Variants in IL12RB2 observed in about 807,000 individuals in gnomAD.
The protein encoded by IL12RB2 is interleukin 12 receptor subunit beta 2.
IL12RB2 carries 82 observed loss-of-function variants against 89.4 expected under a neutral mutation model. The ratio of observed to expected loss-of-function variants is 0.92; its 90% CI spans 0.77 to 1.10. The LOEUF (loss-of-function observed/expected upper bound fraction) is 1.10. IL12RB2 is among the 50% of genes least tolerant of loss of function. The pLI is 0.00. For synonymous variants in IL12RB2, 368 were observed against 370.1 expected (o/e 0.99, Z 0.07); for missense variants, 963 against 1,031.9 (o/e 0.93, Z 0.92).
chr1:67,332,306 C>T (rs1014818861), intron 8 of IL12RB2, among the ~76,000 whole-genome samples: 1 of 151,532 alleles, frequency 6.6e-6, no homozygotes, highest in Admixed American at 6.6e-5. Context: ...ACCTCTGCCT[C>T]CTGTGTTCCA....
At chr1:67,308,655 G>A (rs1221075743) in intron 1 of IL12RB2, among the ~76,000 whole-genome samples, 3 of 152,098 alleles carry the variant, frequency 2.0e-5, no homozygotes, top group African/African-American at 4.8e-5. Context: ...AGCATTGTAC[G>A]GGATTATGTA....
chr1:67,378,805 G>A (rs1416581391), intron 13 of IL12RB2, among the ~76,000 whole-genome samples: 1 of 134,406 alleles, frequency 7.4e-6, no homozygotes, highest in Non-Finnish European at 1.5e-5. Flanking sequence ...AGCCAAGATC[G>A]TATTACTGTA....
chr1:67,349,090 C>T (rs1660548800), intron 9 of IL12RB2, among the ~76,000 whole-genome samples: 1 of 152,218 alleles, frequency 6.6e-6, no homozygotes, highest in Admixed American at 6.5e-5. Context: ...ACAGCAGTCA[C>T]TATGCACAGC....
chr1:67,322,722 G>A (rs1453941397), intron 4 of IL12RB2, among the ~76,000 whole-genome samples: 5 of 152,210 alleles, frequency 3.3e-5, no homozygotes, highest in Non-Finnish European at 7.3e-5. Context: ...CCTGACGGGG[G>A]CTCAGTTTCC....
At chr1:67,320,842 A>T (rs1656396944) in intron 3 of IL12RB2, among the ~76,000 whole-genome samples, 2 of 152,076 alleles carry the variant, frequency 1.3e-5, no homozygotes, top group South Asian at 2.1e-4. Context: ...TGCACCCATC[A>T]ACCCGTCAAC....
intron 16 of IL12RB2, among the ~76,000 whole-genome samples, chr1:67,393,469 G>A (rs1239520807): frequency 6.6e-6 from 1 of 152,172 alleles, no homozygotes; most frequent in Non-Finnish European, 1.5e-5. Context: ...TTCCGCACAG[G>A]GTGTAATCTT....
intron 1 of IL12RB2, among the ~76,000 whole-genome samples, chr1:67,310,319 T>C (rs147504234): frequency 7.0e-4 from 107 of 152,222 alleles, no homozygotes; most frequent in South Asian, 2.5e-3. Flanking sequence ...CAAATAAGTA[T>C]TGAACATGTA....
chr1:67,395,592 A>G lies in IL12RB2; in HGVS notation c.2092A>G (p.Thr698Ala). Reference protein sequence around the residue: ...PLDRLLIDWPTPEDPEPLVIS... With the variant: ...PLDRLLIDWPAPEDPEPLVIS... ...GGACAGGCTCCTGATAGACTGGCCC[A>G]CGCCTGAAGATCCTGAACCGCTGGT... The change falls in exon 17 of 17, where the codon ACG becomes GCG. Residue 698 changes from threonine (T) to alanine (A), a missense_variant. Coordinates refer to ENST00000674203, the MANE Select transcript of IL12RB2 (RefSeq NM_001374259.2). 1 of 1,614,238 alleles carries G rather than the reference A, an allele frequency of 6.2e-7. No individual in the cohort carries two copies.
chr1:67,335,437 C>T (rs114432206), intron 8 of IL12RB2, among the ~76,000 whole-genome samples: 1,621 of 152,222 alleles, frequency 0.011, 25 homozygotes, highest in African/African-American at 0.037. Flanking sequence ...AGGGAATTTC[C>T]ATCTGATTTC....
Position 67,328,185 on chromosome 1 carries a change from G to A in IL12RB2, c.480-15G>A, listed in dbSNP as rs1467607694. 3 of 1,560,798 alleles carry A rather than the reference G, an allele frequency of 1.9e-6. No individual in the cohort carries two copies. Among genetic ancestry groups the A allele is most frequent in the African/African-American group, 1.4e-5 (1 of 73,856 alleles). On this transcript the variant is annotated splice_polypyrimidine_tract_variant and intron_variant, in intron 5 of 16. Transcript: ENST00000674203. Reference sequence around the variant, plus strand: ...ATAAAACATGTTGCTACACGTGGTTGTGTTTTGTTTACAGGCTAAGTGGAC... The same window carrying A: ...ATAAAACATGTTGCTACACGTGGTTATGTTTTGTTTACAGGCTAAGTGGAC...
At chr1:67,356,325 A>G (rs1162923089) in intron 10 of IL12RB2, among the ~76,000 whole-genome samples, 1 of 152,128 alleles carries the variant, frequency 6.6e-6, no homozygotes, top group Non-Finnish European at 1.5e-5. Flanking sequence ...TCCTCTTGTT[A>G]TCCTGTTGTG....
chr1:67,369,853 C>T (rs1399145088), intron 11 of IL12RB2, among the ~76,000 whole-genome samples: 1 of 151,992 alleles, frequency 6.6e-6, no homozygotes, highest in African/African-American at 2.4e-5. Context: ...GAAACCCCAT[C>T]CCTACTAAAA....
At chr1:67,336,368 G>A (rs1314116396) in intron 8 of IL12RB2, among the ~76,000 whole-genome samples, 3 of 152,194 alleles carry the variant, frequency 2.0e-5, no homozygotes, top group Non-Finnish European at 4.4e-5. Flanking sequence ...GACACCACCT[G>A]ACAGTAGGTG....
upstream of IL12RB2, chr1:67,307,383 A>T (rs544211236): frequency 1.3e-5 from 2 of 152,432 alleles, no homozygotes; most frequent in East Asian, 3.8e-4. Flanking sequence ...CAGAGAAAGG[A>T]CATCTGCGAG....
intron 8 of IL12RB2, among the ~76,000 whole-genome samples, chr1:67,337,854 CTA>C (rs1658968248): frequency 7.3e-6 from 1 of 137,182 alleles, no homozygotes. Context: ...AAGTGTTTTT[CTA>C]TATGAGTTGT....
chr1:67,334,636 C>A (rs560676291), intron 8 of IL12RB2, among the ~76,000 whole-genome samples: 7 of 152,104 alleles, frequency 4.6e-5, no homozygotes, highest in African/African-American at 1.7e-4. Context: ...CCCGCCACCA[C>A]GCCCGGCTAA....
At position 67,397,978 on chromosome 1, in the gene IL12RB2, G is replaced by A. The variant is rs534939005; in HGVS notation, c.*1889G>A. Among the ~76,000 whole-genome samples, 7 of 152,230 alleles carry A rather than the reference G, an allele frequency of 4.6e-5. No individual in the cohort carries two copies. The highest frequency in any genetic ancestry group is 3.2e-3 in the Middle Eastern group (1 of 316). ...TCCCTCAGAGCTCTAGAAACTGAGCGATGGACAGTTGCTCTGCTTCTTCAG... is the reference window on the plus strand; with the variant it reads ...TCCCTCAGAGCTCTAGAAACTGAGCAATGGACAGTTGCTCTGCTTCTTCAG... On this transcript the variant is annotated 3_prime_UTR_variant, in exon 17 of 17. Coordinates refer to ENST00000674203, the MANE Select transcript of IL12RB2 (RefSeq NM_001374259.2).
intron 1 of IL12RB2, among the ~76,000 whole-genome samples, chr1:67,313,339 G>T (rs1340460064): frequency 1.3e-5 from 2 of 152,170 alleles, no homozygotes; most frequent in African/African-American, 4.8e-5. Context: ...CATTATAAAT[G>T]CTTTACTAGA....
intron 10 of IL12RB2, among the ~76,000 whole-genome samples, chr1:67,352,354 AG>A (rs753034733): frequency 6.6e-6 from 1 of 152,212 alleles, no homozygotes; most frequent in Non-Finnish European, 1.5e-5. Flanking sequence ...TGATGCCATC[AG>A]GGCTCTAGGG....
Sources: gnomAD v4.1 joint callset for allele counts (sites outside exome capture counted in the v4.1 genomes callset) on GRCh38, gnomAD v4.1.1 for gene constraint, MANE v1.5 for transcripts, NCBI Gene and HGNC (gene_info 2026-07-23, HGNC 2026-07-21) for gene names.